Variants in CNTN5 observed in about 807,000 individuals in gnomAD.
The protein encoded by CNTN5 is contactin 5, also known as contactin-5.
Under a neutral mutation model 129.1 loss-of-function variants are expected in CNTN5, and 77 were observed. That is an observed-to-expected ratio of 0.60 (90% CI 0.50 to 0.72). The LOEUF is 0.72. Ranked by LOEUF, CNTN5 falls within the 30% of genes least tolerant of loss-of-function variation. The probability of loss-of-function intolerance (pLI) is 0.00; values close to 1 mark genes in which losing one functional copy is unlikely to be tolerated. For missense variants in CNTN5, 1,478 were observed against 1,328.8 expected, an observed-to-expected ratio of 1.11 and a Z score of -1.75; for synonymous variants, 509 against 465.6, an observed-to-expected ratio of 1.09 and a Z score of -1.20.
At chr11:99,324,467 T>C (rs565974584) in intron 1 of CNTN5, among the ~76,000 whole-genome samples, 5 of 152,334 alleles carry the variant, frequency 3.3e-5, no homozygotes, top group Non-Finnish European at 7.3e-5. Context: ...TTCATGAAGA[T>C]AGTGTAAAAT....
At chr11:100,040,543 G>T (rs1942315101) in intron 9 of CNTN5, among the ~76,000 whole-genome samples, 1 of 152,192 alleles carries the variant, frequency 6.6e-6, no homozygotes, top group South Asian at 2.1e-4. Context: ...CTGTCTTTTT[G>T]TTTGTCTGTG....
rs114715980 is a variant in CNTN5, at chr11:99,472,812, G to A, written c.-70-83333G>A. 4.7e-3 allele frequency among the ~76,000 whole-genome samples: 717 copies of A among 152,048 alleles called. 9 individuals carry two copies. The highest frequency in any genetic ancestry group is 0.016 in the African/African-American group (673 of 41,468). ...CCCTCCCCAGGTGCACACCACATGT[G>A]CACACATTACAAAACAATTATGAAC... On this transcript the variant is annotated intron_variant, in intron 2 of 24. Transcript: ENST00000524871.
intron 18 of CNTN5, among the ~76,000 whole-genome samples, chr11:100,291,523 C>A (rs1403814307): frequency 6.7e-6 from 1 of 149,470 alleles, no homozygotes; most frequent in Non-Finnish European, 1.5e-5. Flanking sequence ...AAACCAAACA[C>A]CGCATATTCT....
chr11:99,938,479 T>A (rs1950364009), intron 7 of CNTN5, among the ~76,000 whole-genome samples: 1 of 152,134 alleles, frequency 6.6e-6, no homozygotes, highest in South Asian at 2.1e-4. Flanking sequence ...TAGATCTATC[T>A]ACCCAGGGAA....
rs578144230 is a variant in CNTN5 at position 100,350,030 on chromosome 11, T to TGTC, written c.3031-671_3031-669dup. 1.5e-3 allele frequency among the ~76,000 whole-genome samples: 224 copies of TGTC among 151,980 alleles called. 2 individuals carry two copies. The highest frequency in any genetic ancestry group is 1.9e-3 in the Non-Finnish European group (128 of 67,848). Reference sequence around the variant, plus strand: ...TGTTTAATTATAATACCACAACAGATGTCTAAAAAGCTTTAGCTTTGCTAC... The same window carrying TGTC: ...TGTTTAATTATAATACCACAACAGATGTCGTCTAAAAAGCTTTAGCTTTGCTAC... On this transcript the variant is annotated intron_variant, in intron 23 of 24. Coordinates refer to ENST00000524871, the MANE Select transcript of CNTN5 (RefSeq NM_014361.4).
At chr11:99,730,488 G>T (rs148330011) in intron 3 of CNTN5, among the ~76,000 whole-genome samples, 6 of 152,216 alleles carry the variant, frequency 3.9e-5, no homozygotes, top group African/African-American at 1.4e-4. Context: ...TAGGGCTGCC[G>T]GTTATCTACT....
At chr11:99,461,978 T>A (rs930152577) in intron 2 of CNTN5, among the ~76,000 whole-genome samples, 2 of 152,230 alleles carry the variant, frequency 1.3e-5, no homozygotes, top group Non-Finnish European at 2.9e-5. Flanking sequence ...CTATTTATGC[T>A]ATTCAATACA....
intron 13 of CNTN5, among the ~76,000 whole-genome samples, chr11:100,083,556 C>G (rs1944440113): frequency 6.6e-6 from 1 of 152,072 alleles, no homozygotes; most frequent in South Asian, 2.1e-4. Context: ...TATTTCTAAG[C>G]TTGGTCTCTT....
At chr11:99,289,047 C>G (rs1274017132) in intron 1 of CNTN5, among the ~76,000 whole-genome samples, 1 of 151,658 alleles carries the variant, frequency 6.6e-6, no homozygotes, top group Non-Finnish European at 1.5e-5. Flanking sequence ...ACAGTTTTTT[C>G]TTAAAGATTT....
At chr11:99,278,458 T>C (rs1257055428) in intron 1 of CNTN5, among the ~76,000 whole-genome samples, 2 of 151,694 alleles carry the variant, frequency 1.3e-5, no homozygotes, top group Non-Finnish European at 3.0e-5. Flanking sequence ...TTTAATAGAT[T>C]TTCATAAAAA....
intron 1 of CNTN5, among the ~76,000 whole-genome samples, chr11:99,163,116 G>T (rs2135519123): frequency 6.6e-6 from 1 of 152,240 alleles, no homozygotes; most frequent in Middle Eastern, 3.4e-3. Context: ...CTCGCAGGTT[G>T]TTCAACAGTT....
At chr11:99,129,403 G>GA (rs140728952) in intron 1 of CNTN5, among the ~76,000 whole-genome samples, 3,685 of 151,918 alleles carry the variant, frequency 0.024, 90 homozygotes, top group Non-Finnish European at 0.039. Flanking sequence ...AAAGATTATA[G>GA]AAAAAATAAA....
At chr11:99,948,272 A>G (rs942004241) in intron 7 of CNTN5, among the ~76,000 whole-genome samples, 3 of 152,192 alleles carry the variant, frequency 2.0e-5, no homozygotes, top group East Asian at 1.9e-4. Context: ...TAACTGTGCA[A>G]TAATGAAGCT....
At chr11:99,801,512 C>G (rs907156170) in intron 3 of CNTN5, among the ~76,000 whole-genome samples, 2 of 152,172 alleles carry the variant, frequency 1.3e-5, no homozygotes, top group Non-Finnish European at 2.9e-5. Flanking sequence ...TTGAATTACT[C>G]TCTTAAATAT....
chr11:99,675,769 G>A (rs1361129834), intron 3 of CNTN5, among the ~76,000 whole-genome samples: 2 of 152,070 alleles, frequency 1.3e-5, no homozygotes, highest in South Asian at 2.1e-4. Context: ...GGAGGAAAAC[G>A]AGAGAAGGCA....
chr11:99,729,891 C>T (rs2135089236), intron 3 of CNTN5, among the ~76,000 whole-genome samples: 1 of 152,056 alleles, frequency 6.6e-6, no homozygotes, highest in African/African-American at 2.4e-5. Flanking sequence ...CACATTGGGG[C>T]CTGTGGGGGT....
At chr11:99,644,405 G>A (rs1951875418) in intron 3 of CNTN5, among the ~76,000 whole-genome samples, 1 of 152,130 alleles carries the variant, frequency 6.6e-6, no homozygotes, top group Non-Finnish European at 1.5e-5. Context: ...GCAAACAGTA[G>A]AACCATATTT....
At chr11:100,160,320 T>C (rs1386756550) in intron 13 of CNTN5, among the ~76,000 whole-genome samples, 4 of 152,010 alleles carry the variant, frequency 2.6e-5, no homozygotes, top group South Asian at 4.1e-4. Context: ...CAGTCTCTCA[T>C]TGATGGGCAT....
At chr11:100,241,115 G>C (rs932383205) in intron 16 of CNTN5, among the ~76,000 whole-genome samples, 6 of 152,120 alleles carry the variant, frequency 3.9e-5, no homozygotes, top group Middle Eastern at 3.2e-3. Context: ...TAGCTCATCT[G>C]TTCTTAGTGT....
Sources: gnomAD v4.1 joint callset for allele counts (sites outside exome capture counted in the v4.1 genomes callset) on GRCh38, gnomAD v4.1.1 for gene constraint, MANE v1.5 for transcripts, NCBI Gene and HGNC (gene_info 2026-07-23, HGNC 2026-07-21) for gene names.